Variants in SORCS2 observed in about 807,000 individuals in gnomAD.
SORCS2 encodes sortilin related VPS10 domain containing receptor 2, also known as VPS10 domain-containing receptor SorCS2.
Under a neutral mutation model 141.6 loss-of-function variants are expected in SORCS2, and 100 were observed. The ratio of observed to expected loss-of-function variants is 0.71; its 90% CI spans 0.60 to 0.83. SORCS2 has a LOEUF of 0.83. Ranked by LOEUF, SORCS2 falls within the 40% of genes least tolerant of loss-of-function variation. The probability of loss-of-function intolerance (pLI) is 0.00; values close to 1 mark genes in which losing one functional copy is unlikely to be tolerated. For synonymous variants in SORCS2, 789 were observed against 676.9 expected (o/e 1.17, Z -2.57); for missense variants, 1,646 against 1,560.2 (o/e 1.05, Z -0.93).
intron 1 of SORCS2, among the ~76,000 whole-genome samples, chr4:7,342,370 A>G (rs571481233): frequency 6.6e-6 from 1 of 152,320 alleles, no homozygotes; most frequent in African/African-American, 2.4e-5. Context: ...TGCTGCCGCC[A>G]TCTTGCCCTT....
At chr4:7,628,600 C>T (rs1459284633) in intron 3 of SORCS2, among the ~76,000 whole-genome samples, 1 of 152,020 alleles carries the variant, frequency 6.6e-6, no homozygotes, top group Non-Finnish European at 1.5e-5. Flanking sequence ...GGCCTGAGCA[C>T]CGACTACATG....
Position 7,298,479 on chromosome 4 carries a change from G to A in SORCS2, c.481-97809G>A, listed in dbSNP as rs535188520. Among the ~76,000 whole-genome samples, 12 of 152,266 alleles carry A rather than the reference G, an allele frequency of 7.9e-5. No individual in the cohort carries two copies. The East Asian group carries it at 1.4e-3, about 17-fold the overall frequency. ...CGGGAGCTTCCTTTGGCCTCTGATC[G>A]GTCAGCGACCCAGGCAAGGGTAGAA... On this transcript the variant is annotated intron_variant, in intron 1 of 26. Transcript: ENST00000507866.
chr4:7,305,205 G>A (rs553420022), intron 1 of SORCS2, among the ~76,000 whole-genome samples: 1 of 152,082 alleles, frequency 6.6e-6, no homozygotes, highest in Admixed American at 6.5e-5. Context: ...CTAATTTTTT[G>A]TATTTTTAGT....
chr4:7,476,675 G>A (rs1730316320), intron 2 of SORCS2, among the ~76,000 whole-genome samples: 1 of 152,098 alleles, frequency 6.6e-6, no homozygotes, highest in South Asian at 2.1e-4. Context: ...AAGTCAGCAG[G>A]GCGGCCATGC....
chr4:7,362,038 G>T (rs904920326), intron 1 of SORCS2, among the ~76,000 whole-genome samples: 1 of 152,138 alleles, frequency 6.6e-6, no homozygotes, highest in African/African-American at 2.4e-5. Context: ...CAGCAAACTT[G>T]GGTCCAGGAA....
intron 1 of SORCS2, among the ~76,000 whole-genome samples, chr4:7,334,609 T>G (rs572162172): frequency 6.6e-6 from 1 of 152,272 alleles, no homozygotes; most frequent in South Asian, 2.1e-4. Flanking sequence ...CCTTGTCAGT[T>G]CCTGCAGCAA....
chr4:7,216,646 C>T lies in SORCS2; in HGVS notation c.480+23520C>T, dbSNP rs115749924. Among the ~76,000 whole-genome samples the T allele has an allele frequency of 6.2e-3, 946 of 152,246 alleles. 11 individuals are homozygous for T. Among genetic ancestry groups the T allele is most frequent in the African/African-American group, 0.022 (908 of 41,548 alleles). ...CCCATCCCTCCAATCTCTGCCTTCGCGTCTCCTTCTCTGGCTCTGACCCTC... is the reference window on the plus strand; with the variant it reads ...CCCATCCCTCCAATCTCTGCCTTCGTGTCTCCTTCTCTGGCTCTGACCCTC... On this transcript the variant is annotated intron_variant, in intron 1 of 26. Coordinates refer to ENST00000507866, the MANE Select transcript of SORCS2 (RefSeq NM_020777.3).
At chr4:7,675,969 C>G (rs1033124623) in intron 8 of SORCS2, 81 bp from the exon 9 acceptor site, 1 of 1,474,176 alleles carries the variant, frequency 6.8e-7, no homozygotes, top group Non-Finnish European at 9.2e-7. Flanking sequence ...TGCACCCTCA[C>G]GGCCTGTGCA....
At chr4:7,725,033 T>C (rs913555529) in intron 19 of SORCS2, 121 bp from the exon 20 acceptor site, 49 of 1,048,856 alleles carry the variant, frequency 4.7e-5, no homozygotes, top group Non-Finnish European at 6.5e-5. Context: ...GTGGTGATGA[T>C]AGTGGTAGTG....
Position 7,433,568 on chromosome 4 carries a change from A to C in SORCS2, c.548+37213A>C, listed in dbSNP as rs377407945. ...TCGTACTGGGTGACGAAGTGCTTGC[A>C]CTGGATCATATAGGGCAGCGGCAGG... On this transcript the variant is annotated intron_variant, in intron 2 of 26. Coordinates refer to ENST00000507866, the MANE Select transcript of SORCS2 (RefSeq NM_020777.3). The C allele has an allele frequency of 1.2e-5, 20 of 1,611,634 alleles. No individual in the cohort carries two copies. The African/African-American group carries it at 2.1e-4, about 17-fold the overall frequency.
At chr4:7,670,541 A>G (rs1360090575) in intron 8 of SORCS2, among the ~76,000 whole-genome samples, 1 of 152,240 alleles carries the variant, frequency 6.6e-6, no homozygotes, top group Non-Finnish European at 1.5e-5. Flanking sequence ...CATCAGGATC[A>G]GGTAAGATGG....
intron 1 of SORCS2, among the ~76,000 whole-genome samples, chr4:7,387,811 CA>C (rs2109089025): frequency 2.0e-5 from 3 of 150,166 alleles, no homozygotes; most frequent in South Asian, 2.1e-4. Flanking sequence ...CATGCACACA[CA>C]GATACAGAGA....
At chr4:7,274,815 G>T (rs1436145783) in intron 1 of SORCS2, among the ~76,000 whole-genome samples, 1 of 152,172 alleles carries the variant, frequency 6.6e-6, no homozygotes, top group African/African-American at 2.4e-5. Flanking sequence ...AGTGTCTTCT[G>T]GGGGAGGGGT....
chr4:7,732,973 G>A (rs1305371269), intron 23 of SORCS2, among the ~76,000 whole-genome samples: 2 of 150,680 alleles, frequency 1.3e-5, no homozygotes, highest in Non-Finnish European at 3.0e-5. Flanking sequence ...CCCTCTGGTG[G>A]ATCCCAGAGC....
At position 7,192,646 on chromosome 4, in the gene SORCS2, C is replaced by A. The variant is rs937541499; in HGVS notation, c.-1C>A. The stretch of plus-strand genomic sequence containing the variant: ...CGGCTCCGCTGCCGCCCCTGGCGAC[C>A]ATGGCGCACCGGGGGCCCTCGCGCG... On this transcript the variant is annotated 5_prime_UTR_variant, in exon 1 of 27. Coordinates refer to ENST00000507866, the MANE Select transcript of SORCS2 (RefSeq NM_020777.3). The surrounding 1 kb of genome is among the most constrained non-coding windows in gnomAD (Gnocchi z 4.0). 3.8e-5 allele frequency: 38 copies of A among 987,336 alleles called. No homozygotes were observed. The highest frequency in any genetic ancestry group is 4.6e-5 in the Non-Finnish European group (38 of 832,410). 61.2% of individuals were successfully genotyped at this position (987,336 alleles called of 1,614,324 possible).
chr4:7,483,322 CA>C (rs34942012), intron 2 of SORCS2, among the ~76,000 whole-genome samples: 1,603 of 75,752 alleles, frequency 0.021, 9 homozygotes, highest in Non-Finnish European at 0.03. Flanking sequence ...GACTCCATCT[CA>C]AAAAAAAAAA....
chr4:7,709,006 G>A (rs935375246), intron 14 of SORCS2, among the ~76,000 whole-genome samples: 25 of 152,222 alleles, frequency 1.6e-4, no homozygotes, highest in Non-Finnish European at 1.0e-4. Context: ...CCCGGAGGCC[G>A]TGGTCTGGGA....
chr4:7,332,331 C>G (rs1440963252), intron 1 of SORCS2, among the ~76,000 whole-genome samples: 1 of 152,190 alleles, frequency 6.6e-6, no homozygotes, highest in Non-Finnish European at 1.5e-5. Context: ...TCCTCTGAGG[C>G]TGCTCTCCAA....
chr4:7,636,708 AC>A (rs1720280309), intron 3 of SORCS2, among the ~76,000 whole-genome samples: 1 of 150,938 alleles, frequency 6.6e-6, no homozygotes, highest in South Asian at 2.1e-4. Flanking sequence ...AAACCAGGCC[AC>A]CCCCTCCCTT....
Sources: allele counts gnomAD v4.1 joint callset (sites outside exome capture counted in the v4.1 genomes callset), GRCh38; gene constraint gnomAD v4.1.1; non-coding constraint Gnocchi (gnomAD v3.1); transcripts MANE v1.5; gene names NCBI Gene and HGNC (gene_info 2026-07-23, HGNC 2026-07-21).